MYO5B: variants seen among roughly 807,000 people sequenced by gnomAD.
The protein encoded by MYO5B is myosin VB.
A neutral mutation model predicts 229.3 loss-of-function variants in MYO5B; 143 were observed. The observed-to-expected ratio is 0.62, with a 90% CI of 0.54 to 0.72. The LOEUF (loss-of-function observed/expected upper bound fraction) is 0.72, where lower values mean the gene tolerates loss of function less well. MYO5B is among the 30% of genes least tolerant of loss of function. MYO5B has a pLI of 0.00. For synonymous variants in MYO5B, 918 were observed against 885.2 expected (o/e 1.04, Z -0.66); for missense variants, 2,321 against 2,331.0 (o/e 1.00, Z 0.09).
At chr18:50,019,379 A>T (rs1466532531) in intron 4 of MYO5B, among the ~76,000 whole-genome samples, 1 of 152,114 alleles carries the variant, frequency 6.6e-6, no homozygotes, top group Non-Finnish European at 1.5e-5. Context: ...TCATCTTGGG[A>T]TCCAATCACA....
At chr18:49,947,969 C>T (rs149884428) in intron 14 of MYO5B, among the ~76,000 whole-genome samples, 233 of 152,258 alleles carry the variant, frequency 1.5e-3, no homozygotes, top group Non-Finnish European at 2.4e-3. Flanking sequence ...CCCATTAACT[C>T]GTCATTTAGC....
intron 1 of MYO5B, among the ~76,000 whole-genome samples, chr18:50,153,621 TG>T (rs957706330): frequency 3.9e-5 from 6 of 152,200 alleles, no homozygotes; most frequent in Admixed American, 6.5e-5. Context: ...GGCTAATTTT[TG>T]TATTTTTAGT....
At chr18:50,164,084 T>C (rs2032808935) in intron 1 of MYO5B, among the ~76,000 whole-genome samples, 1 of 152,204 alleles carries the variant, frequency 6.6e-6, no homozygotes, top group South Asian at 2.1e-4. Context: ...AAGGTGGTTT[T>C]TAGTGCTGGT....
intron 1 of MYO5B, among the ~76,000 whole-genome samples, chr18:50,134,940 C>T (rs2032313293): frequency 1.3e-5 from 2 of 152,188 alleles, no homozygotes; most frequent in African/African-American, 4.8e-5. Context: ...TCATTTATAA[C>T]TAGATTCAGA....
intron 4 of MYO5B, among the ~76,000 whole-genome samples, chr18:50,018,929 G>A (rs2026245287): frequency 1.3e-5 from 2 of 152,200 alleles, no homozygotes; most frequent in Admixed American, 6.5e-5. Context: ...TAACTAAAGA[G>A]GTAGCACTTT....
At chr18:49,916,624 G>T (rs945357188) in intron 17 of MYO5B, among the ~76,000 whole-genome samples, 1 of 152,174 alleles carries the variant, frequency 6.6e-6, no homozygotes, top group African/African-American at 2.4e-5. Flanking sequence ...AGGCTGAGGG[G>T]AGAGGAGATG....
chr18:49,873,078 C>A (rs1344045585), intron 26 of MYO5B, among the ~76,000 whole-genome samples: 2 of 152,208 alleles, frequency 1.3e-5, no homozygotes, highest in Non-Finnish European at 2.9e-5. Context: ...TAGAGATGGC[C>A]CACAACACTC....
intron 5 of MYO5B, among the ~76,000 whole-genome samples, chr18:49,996,694 C>T (rs1158570119): frequency 1.3e-5 from 2 of 152,224 alleles, no homozygotes; most frequent in Non-Finnish European, 2.9e-5. Flanking sequence ...TATGAAAACA[C>T]GGATAAGGAG....
chr18:49,953,953 ATGTG>A (rs33921831), intron 13 of MYO5B, among the ~76,000 whole-genome samples: 24 of 41,916 alleles, frequency 5.7e-4, no homozygotes, highest in South Asian at 2.6e-3. Context: ...ATATACAGAC[ATGTG>A]TGTGTGTGTA....
intron 4 of MYO5B, among the ~76,000 whole-genome samples, chr18:50,005,280 G>C (rs1487704708): frequency 1.3e-5 from 2 of 152,166 alleles, no homozygotes; most frequent in African/African-American, 2.4e-5. Context: ...AAGGACACTG[G>C]GGTTGTAATC....
intron 1 of MYO5B, among the ~76,000 whole-genome samples, chr18:50,092,502 G>GT (rs1480155159): frequency 6.6e-6 from 1 of 152,088 alleles, no homozygotes; most frequent in Non-Finnish European, 1.5e-5. Context: ...ATCGACTTTG[G>GT]TTAACAATCA....
chr18:50,085,138 T>C (rs1236660975), intron 1 of MYO5B, among the ~76,000 whole-genome samples: 1 of 152,076 alleles, frequency 6.6e-6, no homozygotes, highest in East Asian at 1.9e-4. Context: ...ACCTACAGAA[T>C]GGGAGAAAAT....
intron 20 of MYO5B, among the ~76,000 whole-genome samples, chr18:49,903,985 A>G (rs1451015497): frequency 6.6e-6 from 1 of 152,246 alleles, no homozygotes; most frequent in Non-Finnish European, 1.5e-5. Context: ...CCTGCCCTCA[A>G]GTGTGAATGA....
chr18:50,190,941 G>A (rs1007533387), intron 1 of MYO5B, among the ~76,000 whole-genome samples: 2 of 152,162 alleles, frequency 1.3e-5, no homozygotes, highest in Non-Finnish European at 2.9e-5. Context: ...ACATTGATGT[G>A]TGTGTCTGGC....
intron 1 of MYO5B, among the ~76,000 whole-genome samples, chr18:50,086,904 G>A (rs2031342586): frequency 3.3e-5 from 5 of 152,110 alleles, no homozygotes. Flanking sequence ...TAGTGGAGTG[G>A]TCTGTATACA....
chr18:49,879,690 G>A (rs1277118925), intron 23 of MYO5B, among the ~76,000 whole-genome samples: 1 of 152,224 alleles, frequency 6.6e-6, no homozygotes, highest in African/African-American at 2.4e-5. Context: ...CTGAGTATGG[G>A]AGAAGGGGAT....
intron 4 of MYO5B, among the ~76,000 whole-genome samples, chr18:50,032,620 C>T (rs2026402169): frequency 2.0e-5 from 3 of 152,278 alleles, no homozygotes; most frequent in Non-Finnish European, 2.9e-5. Context: ...AGGTGATGAA[C>T]ATATAAGTTG....
chr18:50,089,187 G>A (rs1379841736), intron 1 of MYO5B, among the ~76,000 whole-genome samples: 2 of 152,160 alleles, frequency 1.3e-5, no homozygotes, highest in Non-Finnish European at 2.9e-5. Flanking sequence ...AGACCAGCCT[G>A]GCCAATATGG....
chr18:50,143,394 C>T (rs1376558033), intron 1 of MYO5B, among the ~76,000 whole-genome samples: 1 of 152,216 alleles, frequency 6.6e-6, no homozygotes, highest in Non-Finnish European at 1.5e-5. Flanking sequence ...GGAGGCCCCC[C>T]TCAGTTACTA....
Sources: gnomAD v4.1 joint callset for allele counts (sites outside exome capture counted in the v4.1 genomes callset) on GRCh38, gnomAD v4.1.1 for gene constraint, MANE v1.5 for transcripts, NCBI Gene and HGNC (gene_info 2026-07-23, HGNC 2026-07-21) for gene names.